Variants in PPP1R10 observed in about 807,000 individuals in gnomAD.
The protein encoded by PPP1R10 is protein phosphatase 1 regulatory subunit 10, also known as serine/threonine-protein phosphatase 1 regulatory subunit 10.
In PPP1R10, 15 loss-of-function variants were observed where a neutral mutation model predicts 99.0. The ratio of observed to expected loss-of-function variants is 0.15; its 90% CI spans 0.10 to 0.23. The LOEUF (loss-of-function observed/expected upper bound fraction) is 0.23, where lower values mean the gene tolerates loss of function less well. Among genes scored for constraint, PPP1R10 ranks in the 10% least tolerant of loss-of-function variants. The pLI is 1.00. For missense variants in PPP1R10, 947 were observed against 1,259.4 expected, an observed-to-expected ratio of 0.75 and a Z score of 3.75; for synonymous variants, 430 against 449.5, an observed-to-expected ratio of 0.96 and a Z score of 0.55.
chr6:30,602,859 C>T lies in PPP1R10; in HGVS notation c.1944G>A (p.Gly648=), dbSNP rs1163476523. Residue 648 remains glycine (G), a synonymous_variant, in exon 18 of 20, where the codon GGG becomes GGA. Coordinates refer to ENST00000376511, the MANE Select transcript of PPP1R10 (RefSeq NM_002714.4). The surrounding 1 kb of genome is among the most constrained non-coding windows in gnomAD (Gnocchi z 6.7). ...CTCACCACCTACCTGGCATAGGTCC[C>T]CCAGGTCCAGGGGGAAAGTGCTGCA... is the stretch of plus-strand genomic sequence containing the variant. ...KGMQHFPPGP[G]GPMPGPHGGP... The T allele has an allele frequency of 6.4e-7, 1 of 1,555,090 alleles. No individual in the cohort carries two copies. Among genetic ancestry groups the T allele is most frequent in the Non-Finnish European group, 8.7e-7 (1 of 1,148,460 alleles).
Position 30,602,091 on chromosome 6 carries a change from T to G in PPP1R10, c.2558A>C (p.His853Pro). The change falls in exon 19 of 20, where the codon CAC becomes CCC. Residue 853 changes from histidine (H) to proline (P), a missense_variant. Physicochemically the swap from His to Pro is moderately conservative, Grantham distance 77. Transcript: ENST00000376511. This position sits in a 1 kb window ranked among gnomAD's most constrained non-coding sequence, Gnocchi z 6.7. The stretch of plus-strand genomic sequence containing the variant: ...AGGCCGGTGGCCATGGGGCCCCCCG[T>G]GTCCAGGGCCTTCATGGGGACGATG... ...GGHRPHEGPGHGGPHGHRPHD... is the reference protein window; with the variant it reads ...GGHRPHEGPGPGGPHGHRPHD... 2 of 1,586,510 alleles carry G rather than the reference T, an allele frequency of 1.3e-6. No homozygotes were observed. The highest frequency in any genetic ancestry group is 1.7e-6 in the Non-Finnish European group (2 of 1,163,780).
chr6:30,602,663 C>A lies in PPP1R10; in HGVS notation c.1986G>T (p.Val662=). ...PGPHGGPGGP[V]GPRLLGPPPP... ...GTGGAGGACCCAGAAGACGTGGACC[C>A]ACTGGCCCACCAGGGCCTCCATGGG... Residue 662 remains valine (V), a synonymous_variant, in exon 19 of 20, where the codon GTG becomes GTT. Transcript: ENST00000376511. The surrounding 1 kb of genome is among the most constrained non-coding windows in gnomAD (Gnocchi z 6.7). 6.2e-7 allele frequency: 1 copy of A among 1,603,616 alleles called. No individual in the cohort carries two copies. The highest frequency in any genetic ancestry group is 8.5e-7 in the Non-Finnish European group (1 of 1,176,874).
At position 30,605,971 on chromosome 6, in the gene PPP1R10, T is replaced by C. The variant is rs375799385; in HGVS notation, c.805A>G (p.Thr269Ala). The C allele has an allele frequency of 4.1e-5, 66 of 1,613,944 alleles. No homozygotes were observed. The African/African-American group carries it at 8.1e-4, about 20-fold the overall frequency. ...AEKKYKPLNT[T>A]PNATKEIKVK... is the part of the protein sequence containing the mutation. ...TTGATCTCTTTGGTGGCATTAGGTG[T>C]TGTGTTGAGTGGCTTGTATTTCTTC... Residue 269 changes from threonine to alanine, a missense_variant, in exon 10 of 20, where the codon ACA (threonine) becomes GCA (alanine). Thr to Ala is a moderately conservative substitution (Grantham distance 58). Transcript: ENST00000376511.
Position 30,609,961 on chromosome 6 carries a change from G to A in PPP1R10, c.-11-6C>T, listed in dbSNP as rs772883444. On this transcript the variant is annotated splice_polypyrimidine_tract_variant and splice_region_variant and intron_variant, in intron 2 of 19. Coordinates refer to ENST00000376511, the MANE Select transcript of PPP1R10 (RefSeq NM_002714.4). This position sits in a 1 kb window ranked among gnomAD's most constrained non-coding sequence, Gnocchi z 4.5. The stretch of plus-strand genomic sequence containing the variant: ...CGAACCCATGATGGTGGTTTCTATG[G>A]TAAGAGGACAAAACAAACAAACCCA... 2 of 1,595,910 alleles carry A rather than the reference G, an allele frequency of 1.3e-6. No individual in the cohort carries two copies. The highest frequency in any genetic ancestry group is 1.7e-6 in the Non-Finnish European group (2 of 1,163,476).
At chr6:30,617,123 G>C (rs1198672887) in intron 1 of PPP1R10, 101 bp downstream of exon 1, 1 of 152,860 alleles carries the variant, frequency 6.5e-6, no homozygotes, top group East Asian at 1.9e-4. Context: ...ACCGCTTTAA[G>C]CCGTGGCTCT....
At chr6:30,611,010 C>T (rs1225981216) in intron 2 of PPP1R10, among the ~76,000 whole-genome samples, 1 of 152,174 alleles carries the variant, frequency 6.6e-6, no homozygotes, top group Non-Finnish European at 1.5e-5. Context: ...ATACTTGCTT[C>T]TAAGACCCAA....
intron 4 of PPP1R10, 24 bp from the exon 5 acceptor site, chr6:30,608,938 TC>T: frequency 6.2e-7 from 1 of 1,613,984 alleles, no homozygotes; most frequent in Non-Finnish European, 8.5e-7. Context: ...GGAGAGTCTA[TC>T]AGTAATGCCC....
rs1325745635 is a variant in PPP1R10 at position 30,602,331 on chromosome 6, G to A, written c.2318C>T (p.Pro773Leu). 3.1e-6 allele frequency: 5 copies of A among 1,612,732 alleles called. No homozygotes were observed. Among genetic ancestry groups the A allele is most frequent in the Non-Finnish European group, 4.2e-6 (5 of 1,179,936 alleles). Residue 773 changes from proline to leucine, a missense_variant, in exon 19 of 20, where the codon CCT becomes CTT. Transcript: ENST00000376511. The surrounding 1 kb of genome is among the most constrained non-coding windows in gnomAD (Gnocchi z 6.7). ...NSSGHRPHEG[P>L]GGGMGSGHRP... ...ATGCCCACTTCCCATGCCACCGCCA[G>A]GGCCTTCGTGGGGACGATGTCCACT...
Position 30,602,441 on chromosome 6 carries a change from A to C in PPP1R10, c.2208T>G (p.Asn736Lys). 1.2e-6 allele frequency: 2 copies of C among 1,603,466 alleles called. No individual in the cohort carries two copies. The highest frequency in any genetic ancestry group is 1.7e-6 in the Non-Finnish European group (2 of 1,173,596). Residue 736 changes from asparagine to lysine, a missense_variant, in exon 19 of 20, where the codon AAT becomes AAG. This residue lies in a region of PPP1R10 where 525 missense variants were observed against 578.8 expected (regional missense o/e 0.91). Transcript: ENST00000376511. This position sits in a 1 kb window ranked among gnomAD's most constrained non-coding sequence, Gnocchi z 6.7. ...RGGRSGGGPP[N>K]GRGGPGGGMV... Reference sequence around the variant, plus strand: ...TGCCCCCACCAGGGCCCCCTCGTCCATTTGGGGGTCCTCCTCCAGAGCGAC... The same window carrying C: ...TGCCCCCACCAGGGCCCCCTCGTCCCTTTGGGGGTCCTCCTCCAGAGCGAC...
Position 30,603,812 on chromosome 6 carries a change from G to A in PPP1R10, c.1540C>T (p.Pro514Ser). Reference protein sequence around the residue: ...PHEPDPEPYEPIPPKLIPLDE... With the variant: ...PHEPDPEPYESIPPKLIPLDE... ...AGGGGGATGAGTTTAGGGGGTATGG[G>A]CTCGTAGGGCTCAGGATCAGGCTCA... Residue 514 changes from proline to serine, a missense_variant, in exon 15 of 20, where the codon CCC becomes TCC. By Grantham distance (74) the Pro-to-Ser change is moderately conservative. This residue lies in a region of PPP1R10 where 525 missense variants were observed against 578.8 expected (regional missense o/e 0.91). Transcript: ENST00000376511. The A allele has an allele frequency of 6.5e-7, 1 of 1,539,896 alleles. No homozygotes were observed. The highest frequency in any genetic ancestry group is 8.7e-7 in the Non-Finnish European group (1 of 1,145,332).
intron 2 of PPP1R10, among the ~76,000 whole-genome samples, chr6:30,616,085 C>T (rs1302183007): frequency 6.6e-6 from 1 of 152,180 alleles, no homozygotes; most frequent in African/African-American, 2.4e-5. Flanking sequence ...CAAGATCCAC[C>T]ATCTCTTGTA....
intron 2 of PPP1R10, among the ~76,000 whole-genome samples, chr6:30,611,586 A>G (rs1804563251): frequency 1.3e-5 from 2 of 152,378 alleles, no homozygotes; most frequent in East Asian, 1.9e-4. Flanking sequence ...AAAACATAGC[A>G]TAACAATCTC....
intron 6 of PPP1R10, among the ~76,000 whole-genome samples, chr6:30,607,138 TTAG>T (rs1804031511): frequency 6.6e-6 from 1 of 152,178 alleles, no homozygotes; most frequent in Admixed American, 6.5e-5. Context: ...AAAATCTACA[TTAG>T]TAAAAGACTA....
intron 10 of PPP1R10, 103 bp downstream of exon 10, chr6:30,605,820 A>G (rs1466848807): frequency 8.7e-7 from 1 of 1,147,340 alleles, no homozygotes; most frequent in African/African-American, 1.6e-5. Context: ...AGACCGTGCC[A>G]CTGCACTCCA....
In PPP1R10 at chr6:30,604,681, A is replaced by G. The variant is rs767958910; in HGVS notation, c.1009T>C (p.Ser337Pro). 1.2e-6 allele frequency: 2 copies of G among 1,613,030 alleles called. No individual in the cohort carries two copies. Among genetic ancestry groups the G allele is most frequent in the South Asian group, 2.2e-5 (2 of 91,084 alleles). ...TCAGAAGGTGGTGCTGGTTCTGGGGAAGAAGGTTTGGCTGTGCTTGGTTCT... is the reference window on the plus strand; with the variant it reads ...TCAGAAGGTGGTGCTGGTTCTGGGGGAGAAGGTTTGGCTGTGCTTGGTTCT... ...STEPSTAKPS[S>P]PEPAPPSEAM... is the part of the protein sequence containing the mutation. The change falls in exon 12 of 20, where the codon TCC (serine) becomes CCC (proline). Residue 337 changes from serine (S) to proline (P), a missense_variant. By Grantham distance (74) the Ser-to-Pro change is moderately conservative. This residue lies in a region of PPP1R10 where 100 missense variants were observed against 105.8 expected (regional missense o/e 0.94). Coordinates refer to ENST00000376511, the MANE Select transcript of PPP1R10 (RefSeq NM_002714.4). The surrounding 1 kb of genome is among the most constrained non-coding windows in gnomAD (Gnocchi z 7.3).
rs1489082359 is a variant in PPP1R10 at position 30,616,954 on chromosome 6, T to G, written c.-488A>C. 6.6e-6 allele frequency: 1 copy of G among 152,376 alleles called. No homozygotes were observed. The highest frequency in any genetic ancestry group is 6.5e-5 in the Admixed American group (1 of 15,288). 9.4% of individuals were successfully genotyped at this position (152,376 alleles called of 1,614,324 possible). ...CTTAGATGTTGCTGCGGCTTGTTTC[T>G]GTTTTCCTCGTGGCCGGCCTGTCTT... On this transcript the variant is annotated 5_prime_UTR_variant, in exon 2 of 20. Coordinates refer to ENST00000376511, the MANE Select transcript of PPP1R10 (RefSeq NM_002714.4).
At position 30,609,637 on chromosome 6, in the gene PPP1R10, A is replaced by C. The variant is rs1276584432; in HGVS notation, c.107+201T>G. ...CTCCCTTGGGACCGTGGACGTCCAA[A>C]TCTCCAGTTTCCATTATGGTCAGAA... On this transcript the variant is annotated intron_variant, in intron 3 of 19. Transcript: ENST00000376511. This position sits in a 1 kb window ranked among gnomAD's most constrained non-coding sequence, Gnocchi z 4.5. 6.6e-6 allele frequency among the ~76,000 whole-genome samples: 1 copy of C among 152,160 alleles called. No homozygotes were observed. The highest frequency in any genetic ancestry group is 1.5e-5 in the Non-Finnish European group (1 of 68,014).
At position 30,600,969 on chromosome 6, in the gene PPP1R10, A is replaced by C. The variant is rs1208582973; in HGVS notation, c.*580T>G. 6.5e-6 allele frequency: 1 copy of C among 152,856 alleles called. No individual in the cohort carries two copies. The highest frequency in any genetic ancestry group is 1.5e-5 in the Non-Finnish European group (1 of 68,204). 9.5% of individuals were successfully genotyped at this position (152,856 alleles called of 1,614,324 possible). A position where few individuals can be genotyped will look rare whatever the true frequency, so the allele number is the denominator to read the frequency against. On this transcript the variant is annotated 3_prime_UTR_variant, in exon 20 of 20. Transcript: ENST00000376511. The stretch of plus-strand genomic sequence containing the variant: ...AGAAAGTTGAAGGTCCCACTTGAGA[A>C]AGGACTAAGAATGGTGAGCCCACGC...
chr6:30,615,094 G>A (rs1760319745), intron 2 of PPP1R10, among the ~76,000 whole-genome samples: 1 of 152,144 alleles, frequency 6.6e-6, no homozygotes, highest in African/African-American at 2.4e-5. Flanking sequence ...GCGGCCCTAA[G>A]CTCAGGATGG....
Sources: allele counts gnomAD v4.1 joint callset (sites outside exome capture counted in the v4.1 genomes callset), GRCh38; gene constraint gnomAD v4.1.1; regional missense constraint gnomAD v4.1.1; non-coding constraint Gnocchi (gnomAD v3.1); transcripts MANE v1.5; gene names NCBI Gene and HGNC (gene_info 2026-07-23, HGNC 2026-07-21).